RTN4RL1: variants seen among roughly 807,000 people sequenced by gnomAD.
RTN4RL1 encodes the protein reticulon 4 receptor like 1, also known as reticulon-4 receptor-like 1.
Under a neutral mutation model 25.6 loss-of-function variants are expected in RTN4RL1, and 7 were observed. The observed-to-expected ratio is 0.27, with a 90% CI of 0.16 to 0.51. The LOEUF (loss-of-function observed/expected upper bound fraction) is 0.51, where lower values mean the gene tolerates loss of function less well. Ranked by LOEUF, RTN4RL1 falls within the 20% of genes least tolerant of loss-of-function variation. The probability of loss-of-function intolerance (pLI) is 0.97; values close to 1 mark genes in which losing one functional copy is unlikely to be tolerated. For missense variants in RTN4RL1, 500 were observed against 615.6 expected, an observed-to-expected ratio of 0.81 and a Z score of 1.99; for synonymous variants, 297 against 288.2, an observed-to-expected ratio of 1.03 and a Z score of -0.31.
At chr17:1,943,449 C>T (rs1332100876) in intron 1 of RTN4RL1, among the ~76,000 whole-genome samples, 2 of 152,250 alleles carry the variant, frequency 1.3e-5, no homozygotes, top group Non-Finnish European at 2.9e-5. Flanking sequence ...GGCTGGTATC[C>T]CCGCAGCCCC....
intron 1 of RTN4RL1, among the ~76,000 whole-genome samples, chr17:1,970,221 G>A (rs1273704769): frequency 3.9e-5 from 6 of 152,012 alleles, no homozygotes; most frequent in Admixed American, 6.6e-5. Flanking sequence ...GGGTTTGACC[G>A]TGTTGGTCAT....
intron 1 of RTN4RL1, among the ~76,000 whole-genome samples, chr17:2,005,297 A>C (rs543974002): frequency 6.6e-6 from 1 of 152,260 alleles, no homozygotes; most frequent in South Asian, 2.1e-4. Context: ...ATGAGCCACC[A>C]CATCCGGCCA....
intron 1 of RTN4RL1, among the ~76,000 whole-genome samples, chr17:1,979,944 T>A (rs2066860126): frequency 6.6e-6 from 1 of 152,226 alleles, no homozygotes; most frequent in Non-Finnish European, 1.5e-5. Context: ...GGGATTCTCC[T>A]GAGAAGCCAT....
intron 1 of RTN4RL1, among the ~76,000 whole-genome samples, chr17:2,017,491 A>G (rs2067139598): frequency 6.6e-6 from 1 of 151,904 alleles, no homozygotes; most frequent in Admixed American, 6.6e-5. Flanking sequence ...TGGCCTGCCC[A>G]CTCCTGGGAG....
At chr17:1,938,603 C>T (rs1034523546) in intron 1 of RTN4RL1, among the ~76,000 whole-genome samples, 4 of 151,818 alleles carry the variant, frequency 2.6e-5, no homozygotes, top group Admixed American at 6.6e-5. Context: ...CGGCCAGAAT[C>T]TCTTTATTTG....
intron 1 of RTN4RL1, among the ~76,000 whole-genome samples, chr17:1,964,837 G>T (rs2066782639): frequency 7.3e-6 from 1 of 136,306 alleles, no homozygotes; most frequent in African/African-American, 2.8e-5. Context: ...CACCAAGGCT[G>T]GAGTGCAGTG....
intron 1 of RTN4RL1, among the ~76,000 whole-genome samples, chr17:1,955,081 C>T (rs1023916306): frequency 2.6e-5 from 4 of 152,102 alleles, no homozygotes; most frequent in African/African-American, 7.2e-5. Context: ...TCAGCCTGAG[C>T]GCCGCCCTTT....
At chr17:2,000,741 A>C (rs925802893) in intron 1 of RTN4RL1, among the ~76,000 whole-genome samples, 1 of 151,842 alleles carries the variant, frequency 6.6e-6, no homozygotes, top group African/African-American at 2.4e-5. Context: ...GCTGGTCTTG[A>C]ACTCCTGACC....
At chr17:1,977,488 A>G (rs1009660045) in intron 1 of RTN4RL1, among the ~76,000 whole-genome samples, 1 of 151,872 alleles carries the variant, frequency 6.6e-6, no homozygotes, top group East Asian at 1.9e-4. Flanking sequence ...ACTTTCCCCA[A>G]ACAAGAGCGG....
chr17:1,990,809 T>G (rs2066905409), intron 1 of RTN4RL1, among the ~76,000 whole-genome samples: 1 of 152,226 alleles, frequency 6.6e-6, no homozygotes, highest in African/African-American at 2.4e-5. Context: ...AGTCAGAATC[T>G]TTTACAAAGC....
At chr17:1,993,683 G>A (rs1178157197) in intron 1 of RTN4RL1, among the ~76,000 whole-genome samples, 3 of 151,768 alleles carry the variant, frequency 2.0e-5, no homozygotes, top group Non-Finnish European at 4.4e-5. Flanking sequence ...TTGAACCCAA[G>A]TCCCCCATTG....
Position 2,021,834 on chromosome 17 carries a change from T to C in RTN4RL1, c.13+3019A>G, listed in dbSNP as rs149788025. Among the ~76,000 whole-genome samples the C allele has an allele frequency of 5.7e-3, 830 of 144,488 alleles. 22 individuals carry two copies. Among genetic ancestry groups the C allele is most frequent in the East Asian group, 0.055 (253 of 4,640 alleles). The allele number at this position is 144,488 out of a possible 152,430, so 94.8% of individuals were successfully genotyped here. A position where few individuals can be genotyped will look rare whatever the true frequency, so the allele number is the denominator to read the frequency against. Reference sequence around the variant, plus strand: ...CCTCCCAAAGTGCTGGGATTACAGGTGTGAGCCACTGTGCCCGGTCTTTTT... The same window carrying C: ...CCTCCCAAAGTGCTGGGATTACAGGCGTGAGCCACTGTGCCCGGTCTTTTT... On this transcript the variant is annotated intron_variant, in intron 1 of 1. Transcript: ENST00000331238.
chr17:1,935,546 C>A lies in RTN4RL1; in HGVS notation c.*950G>T. Reference sequence around the variant, plus strand: ...TTGGCAAGGCCAGGTCCCTTGGAGACTATCGTTGCCAGTTTGGGATTCTAG... The same window carrying A: ...TTGGCAAGGCCAGGTCCCTTGGAGAATATCGTTGCCAGTTTGGGATTCTAG... On this transcript the variant is annotated 3_prime_UTR_variant, in exon 2 of 2. Transcript: ENST00000331238. 1.0e-6 allele frequency: 1 copy of A among 985,582 alleles called. No homozygotes were observed. Among genetic ancestry groups the A allele is most frequent in the Non-Finnish European group, 1.2e-6 (1 of 829,890 alleles). 61.1% of individuals were successfully genotyped at this position (985,582 alleles called of 1,614,324 possible).
intron 1 of RTN4RL1, among the ~76,000 whole-genome samples, chr17:2,021,770 G>A (rs2067207943): frequency 6.6e-6 from 1 of 150,758 alleles, no homozygotes; most frequent in Admixed American, 6.6e-5. Context: ...GGCCAGGCTG[G>A]TCTCGAACTC....
chr17:2,015,867 A>C (rs1366546009), intron 1 of RTN4RL1, among the ~76,000 whole-genome samples: 1 of 152,188 alleles, frequency 6.6e-6, no homozygotes, highest in Non-Finnish European at 1.5e-5. Flanking sequence ...GACAGCGGAC[A>C]GTCCTCCTTG....
rs1915318063 is a variant in RTN4RL1 at position 1,936,885 on chromosome 17, T to C, written c.937A>G (p.Ile313Val). 2.5e-6 allele frequency: 4 copies of C among 1,604,324 alleles called. No homozygotes were observed. In the East Asian group the frequency reaches 6.7e-5, roughly 27 times the overall value. The change falls in exon 2 of 2, where the codon ATC (isoleucine) becomes GTC (valine). Residue 313 changes from isoleucine to valine, a missense_variant. Ile to Val is a conservative substitution (Grantham distance 29). Around this residue, in one of 2 missense-constraint regions of RTN4RL1, gnomAD observed 268 missense variants for 274.5 expected, o/e 0.98. Transcript: ENST00000331238. ...GTGGTGGTGAGCGTGTGTGACTTGATCTGGTGCGGGGACGCTGGTCCCGTG... is the reference window on the plus strand; with the variant it reads ...GTGGTGGTGAGCGTGTGTGACTTGACCTGGTGCGGGGACGCTGGTCCCGTG... ...NCTGPASPHQIKSHTLTTTDR... is the reference protein window; with the variant it reads ...NCTGPASPHQVKSHTLTTTDR...
intron 1 of RTN4RL1, among the ~76,000 whole-genome samples, chr17:1,968,449 C>T (rs118096271): frequency 0.019 from 2,828 of 152,290 alleles, 39 homozygotes; most frequent in Non-Finnish European, 0.032. Flanking sequence ...TGCCTGGCCC[C>T]ACTCCCCCTT....
At chr17:1,947,536 C>T (rs1915582182) in intron 1 of RTN4RL1, among the ~76,000 whole-genome samples, 2 of 152,244 alleles carry the variant, frequency 1.3e-5, no homozygotes, top group Admixed American at 1.3e-4. Context: ...CACTCCAGGT[C>T]CCTCCAGCAC....
intron 1 of RTN4RL1, among the ~76,000 whole-genome samples, chr17:1,947,680 G>T (rs1021464482): frequency 6.6e-6 from 1 of 152,222 alleles, no homozygotes; most frequent in Admixed American, 6.5e-5. Context: ...CATTCTCAGG[G>T]GGCCTTGTCG....
Sources: allele counts gnomAD v4.1 joint callset (sites outside exome capture counted in the v4.1 genomes callset), GRCh38; gene constraint gnomAD v4.1.1; regional missense constraint gnomAD v4.1.1; transcripts MANE v1.5; gene names NCBI Gene and HGNC (gene_info 2026-07-23, HGNC 2026-07-21).